IGSF11: variants seen among roughly 807,000 people sequenced by gnomAD.
IGSF11 encodes the protein CXADR like 1.
IGSF11 carries 22 observed loss-of-function variants against 41.0 expected under a neutral mutation model. The observed-to-expected ratio is 0.54, with a 90% CI of 0.38 to 0.77. The LOEUF is 0.77. IGSF11 is among the 30% of genes least tolerant of loss of function. IGSF11 has a pLI of 0.00. For synonymous variants in IGSF11, 219 were observed against 201.3 expected (o/e 1.09, Z -0.74); for missense variants, 444 against 530.8 (o/e 0.84, Z 1.61).
At chr3:118,947,202 A>G (rs1944219198) in intron 1 of IGSF11, 1 of 152,164 alleles carries the variant, frequency 6.6e-6, no homozygotes, top group South Asian at 2.1e-4. Context: ...CCTTCAGAAA[A>G]TTCATTACTC....
chr3:118,963,214 C>T (rs72968624), intron 1 of IGSF11, among the ~76,000 whole-genome samples: 37 of 152,270 alleles, frequency 2.4e-4, no homozygotes, highest in African/African-American at 8.9e-4. Flanking sequence ...AGGTAAAACT[C>T]AACACTATGT....
intron 1 of IGSF11, among the ~76,000 whole-genome samples, chr3:118,984,914 G>A (rs899345069): frequency 2.0e-5 from 3 of 152,110 alleles, no homozygotes; most frequent in Non-Finnish European, 4.4e-5. Flanking sequence ...AAACCACAGA[G>A]CCCTTCCAGG....
At chr3:119,132,068 G>A (rs899103237) in intron 1 of IGSF11, among the ~76,000 whole-genome samples, 2 of 152,114 alleles carry the variant, frequency 1.3e-5, no homozygotes, top group African/African-American at 4.8e-5. Flanking sequence ...ATATGGAAAG[G>A]AATGACCAGT....
intron 1 of IGSF11, among the ~76,000 whole-genome samples, chr3:119,050,114 A>G (rs1329984580): frequency 3.3e-5 from 5 of 150,298 alleles, no homozygotes; most frequent in Non-Finnish European, 7.4e-5. Flanking sequence ...CTAAAACACC[A>G]AAAGCAATGG....
intron 4 of IGSF11, among the ~76,000 whole-genome samples, chr3:118,925,382 ATAC>A (rs1942197833): frequency 6.6e-6 from 1 of 152,208 alleles, no homozygotes; most frequent in South Asian, 2.1e-4. Context: ...TACCCTGAGA[ATAC>A]TACAAGAAAC....
upstream of IGSF11, among the ~76,000 whole-genome samples, chr3:119,108,677 G>T (rs2077082440): frequency 7.5e-6 from 1 of 133,498 alleles, no homozygotes; most frequent in South Asian, 2.8e-4. Context: ...AGTTTTCAAA[G>T]GGAATGCTTC....
intron 1 of IGSF11, among the ~76,000 whole-genome samples, chr3:119,059,008 A>C (rs913126033): frequency 6.6e-6 from 1 of 151,836 alleles, no homozygotes; most frequent in African/African-American, 2.4e-5. Flanking sequence ...TAGCATTAGG[A>C]GATATACCTA....
At chr3:118,906,979 T>C (rs1939682968) in intron 4 of IGSF11, among the ~76,000 whole-genome samples, 1 of 152,222 alleles carries the variant, frequency 6.6e-6, no homozygotes, top group Non-Finnish European at 1.5e-5. Context: ...TAGGCTTCAC[T>C]GCCCTCCTTA....
chr3:118,930,473 A>G (rs142229367), intron 1 of IGSF11, among the ~76,000 whole-genome samples, 198 bp from the exon 2 acceptor site: 145 of 152,346 alleles, frequency 9.5e-4, no homozygotes, highest in South Asian at 1.7e-3. Flanking sequence ...CCTGAAAACT[A>G]CAATAGAAAA....
In IGSF11 at chr3:119,145,969, A is replaced by G. The variant is rs979427203; in HGVS notation, c.-170T>C. 3 of 509,702 alleles carry G rather than the reference A, an allele frequency of 5.9e-6. No homozygotes were observed. The Admixed American group carries it at 1.1e-4, about 18-fold the overall frequency. 31.6% of individuals were successfully genotyped at this position (509,702 alleles called of 1,614,324 possible). A position where few individuals can be genotyped will look rare whatever the true frequency, so the allele number is the denominator to read the frequency against. On this transcript the variant is annotated 5_prime_UTR_variant, in exon 1 of 8. Coordinates refer to the IGSF11 transcript ENST00000425327. ...CAGAGCCTGAGAATCGCCCCTTCTC[A>G]GGACATGGCGTACTCCCTGCGCTCG... is the stretch of plus-strand genomic sequence containing the variant.
intron 1 of IGSF11, among the ~76,000 whole-genome samples, chr3:118,969,816 G>A (rs551439390): frequency 3.9e-5 from 6 of 152,260 alleles, no homozygotes; most frequent in South Asian, 2.1e-4. Context: ...GTAGAGGAAC[G>A]GAAGGATGGG....
In IGSF11 at chr3:118,974,220, T is replaced by C. The variant is rs552824944; in HGVS notation, c.53-43945A>G. 3.3e-5 allele frequency among the ~76,000 whole-genome samples: 5 copies of C among 152,198 alleles called. No individual in the cohort carries two copies. The South Asian group carries it at 6.2e-4, about 19-fold the overall frequency. The stretch of plus-strand genomic sequence containing the variant: ...GACCTTGAACGTCAAGATAGAAGCA[T>C]GGTATTGTAGGCAATGTGAGCCTTT... On this transcript the variant is annotated intron_variant, in intron 1 of 6. Coordinates refer to ENST00000393775, the MANE Select transcript of IGSF11 (RefSeq NM_001015887.3).
At chr3:119,066,525 G>C (rs917971362) in intron 1 of IGSF11, among the ~76,000 whole-genome samples, 1 of 152,100 alleles carries the variant, frequency 6.6e-6, no homozygotes, top group African/African-American at 2.4e-5. Flanking sequence ...TAGTGTGCTG[G>C]AGCAGCTCAT....
At position 118,950,108 on chromosome 3, in the gene IGSF11, A is replaced by C. The variant is rs528183658; in HGVS notation, c.53-19833T>G. Among the ~76,000 whole-genome samples the C allele has an allele frequency of 2.6e-5, 4 of 152,356 alleles. No homozygotes were observed. The South Asian group carries it at 8.3e-4, about 32-fold the overall frequency. On this transcript the variant is annotated intron_variant, in intron 1 of 6. Coordinates refer to ENST00000393775, the MANE Select transcript of IGSF11 (RefSeq NM_001015887.3). ...GAAGTATAAATTTTTACTTCCCATT[A>C]ACCATATAATACTTGATGCTACCAC...
rs941210283 is a variant in IGSF11, at chr3:118,916,757, C to T, written c.580+9344G>A. ...GAACTCAGCTCTGCACCAAGTGGAC[C>T]GAATAGACATCTACAGAACTCTCCA... On this transcript the variant is annotated intron_variant, in intron 4 of 6. Coordinates refer to ENST00000393775, the MANE Select transcript of IGSF11 (RefSeq NM_001015887.3). Among the ~76,000 whole-genome samples, 8 of 152,056 alleles carry T rather than the reference C, an allele frequency of 5.3e-5. 1 individual carries two copies. The highest frequency in any genetic ancestry group is 1.9e-4 in the East Asian group (1 of 5,178).
At chr3:118,917,140 C>T (rs2107503979) in intron 4 of IGSF11, among the ~76,000 whole-genome samples, 1 of 150,350 alleles carries the variant, frequency 6.7e-6, no homozygotes, top group Non-Finnish European at 1.5e-5. Flanking sequence ...CACTAAATGC[C>T]CACAAGAGAA....
intron 1 of IGSF11, among the ~76,000 whole-genome samples, chr3:119,120,096 A>T (rs1295068186): frequency 1.3e-5 from 2 of 152,216 alleles, no homozygotes; most frequent in Non-Finnish European, 2.9e-5. Context: ...CAAGCAGGGA[A>T]TAAAGCAGTC....
At chr3:119,086,841 T>C (rs2076683894) in intron 1 of IGSF11, among the ~76,000 whole-genome samples, 1 of 152,156 alleles carries the variant, frequency 6.6e-6, no homozygotes, top group Admixed American at 6.6e-5. Flanking sequence ...AAGCAACTAC[T>C]TAATCAAGTC....
intron 1 of IGSF11, among the ~76,000 whole-genome samples, chr3:118,986,367 C>T (rs926093995): frequency 6.6e-6 from 1 of 152,156 alleles, no homozygotes; most frequent in Non-Finnish European, 1.5e-5. Flanking sequence ...ACTCACAGTG[C>T]CTGGTATGCA....
Sources: allele counts gnomAD v4.1 joint callset (sites outside exome capture counted in the v4.1 genomes callset), GRCh38; gene constraint gnomAD v4.1.1; transcripts MANE v1.5; gene names NCBI Gene and HGNC (gene_info 2026-07-23, HGNC 2026-07-21).